TMEM114: variants seen among roughly 807,000 people sequenced by gnomAD.
The protein encoded by TMEM114 is transmembrane protein 114.
A neutral mutation model predicts 6.2 loss-of-function variants in TMEM114; 6 were observed. The observed-to-expected ratio is 0.97, with a 90% CI of 0.53 to 1.91. The LOEUF (loss-of-function observed/expected upper bound fraction) is 1.91, where lower values mean the gene tolerates loss of function less well. Ranked by LOEUF, TMEM114 falls within the 40% of genes most tolerant of loss-of-function variation. TMEM114 has a pLI of 0.01. For synonymous variants in TMEM114, 104 were observed against 73.0 expected (o/e 1.42, Z -2.16); for missense variants, 218 against 158.3 (o/e 1.38, Z -2.02).
downstream of TMEM114, among the ~76,000 whole-genome samples, chr16:8,564,997 GTAAA>G (rs1567204179): frequency 6.6e-6 from 1 of 152,076 alleles, no homozygotes; most frequent in Admixed American, 6.5e-5. Flanking sequence ...GAGTGAATGA[GTAAA>G]TAAGTGACTG....
intron 2 of TMEM114, among the ~76,000 whole-genome samples, chr16:8,561,669 G>C (rs1011142174): frequency 5.3e-5 from 8 of 152,194 alleles, no homozygotes; most frequent in Non-Finnish European, 8.8e-5. Flanking sequence ...GAATGAATGA[G>C]TGAATAAATG....
chr16:8,532,462 T>G, the TMEM114 span, among the ~76,000 whole-genome samples: 2 of 152,250 alleles, frequency 1.3e-5, no homozygotes, highest in East Asian at 3.9e-4. Context: ...GTCACTCCTG[T>G]CTGGGTGTGC....
At chr16:8,550,569 T>G (rs1242495521) in intron 2 of TMEM114, among the ~76,000 whole-genome samples, 1 of 151,860 alleles carries the variant, frequency 6.6e-6, no homozygotes, top group Non-Finnish European at 1.5e-5. Context: ...TCCCAGCGAC[T>G]CTGGAGGCTG....
chr16:8,580,717 G>T (rs1019308266), intron 2 of TMEM114, among the ~76,000 whole-genome samples: 2 of 152,040 alleles, frequency 1.3e-5, no homozygotes, highest in African/African-American at 4.8e-5. Context: ...TTGAGATAGG[G>T]TCTCACTCTG....
intron 2 of TMEM114, among the ~76,000 whole-genome samples, chr16:8,582,293 A>G (rs1295838776): frequency 1.4e-5 from 2 of 144,256 alleles, no homozygotes; most frequent in Non-Finnish European, 3.0e-5. Context: ...TAAGACATAG[A>G]AAAAAAAAAC....
chr16:8,565,577 G>T (rs1901514430), downstream of TMEM114, among the ~76,000 whole-genome samples: 1 of 152,076 alleles, frequency 6.6e-6, no homozygotes, highest in Non-Finnish European at 1.5e-5. Flanking sequence ...CTAACCCCCG[G>T]TTAGTCCAGC....
intron 2 of TMEM114, among the ~76,000 whole-genome samples, chr16:8,544,011 C>A (rs996252068): frequency 6.6e-6 from 1 of 152,164 alleles, no homozygotes; most frequent in Non-Finnish European, 1.5e-5. Flanking sequence ...CCTAGACTGC[C>A]AGGAAGCGCA....
chr16:8,555,043 G>C (rs1021333768), intron 2 of TMEM114, among the ~76,000 whole-genome samples: 2 of 152,198 alleles, frequency 1.3e-5, no homozygotes, highest in African/African-American at 4.8e-5. Context: ...CCCACTCATG[G>C]GGTTTCCCTC....
chr16:8,574,279 T>C (rs1901839811), intron 2 of TMEM114, among the ~76,000 whole-genome samples: 1 of 152,194 alleles, frequency 6.6e-6, no homozygotes, highest in South Asian at 2.1e-4. Flanking sequence ...ATAATACTTG[T>C]AAAGATCATT....
chr16:8,556,706 T>C (rs1188521293), intron 2 of TMEM114, among the ~76,000 whole-genome samples: 1 of 152,194 alleles, frequency 6.6e-6, no homozygotes, highest in African/African-American at 2.4e-5. Context: ...TTTCACCATG[T>C]TGGCCAGGCT....
intron 2 of TMEM114, among the ~76,000 whole-genome samples, chr16:8,547,884 C>G (rs112203780): frequency 0.02 from 3,109 of 152,238 alleles, 100 homozygotes; most frequent in African/African-American, 0.071. Flanking sequence ...ACTTGCTGGG[C>G]TTGGGAGGCC....
chr16:8,561,806 GA>G (rs1201543764), intron 2 of TMEM114, among the ~76,000 whole-genome samples: 1 of 152,020 alleles, frequency 6.6e-6, no homozygotes, highest in Non-Finnish European at 1.5e-5. Context: ...GTGAATGAGT[GA>G]GTGAAGGAGG....
intron 2 of TMEM114, among the ~76,000 whole-genome samples, chr16:8,578,804 C>T (rs8047408): frequency 0.22 from 33,882 of 151,972 alleles, 4,506 homozygotes; most frequent in Non-Finnish European, 0.29. Context: ...CATGGTGAAA[C>T]CCCGTCTCTA....
At chr16:8,537,400 C>G (rs983475906), downstream of TMEM114, among the ~76,000 whole-genome samples, 2 of 152,134 alleles carry the variant, frequency 1.3e-5, no homozygotes, top group African/African-American at 4.8e-5. Context: ...ACTTGGGAAG[C>G]TGAGGCAGAA....
At chr16:8,567,714 G>A (rs1355382184), downstream of TMEM114, among the ~76,000 whole-genome samples, 1 of 152,190 alleles carries the variant, frequency 6.6e-6, no homozygotes, top group African/African-American at 2.4e-5. Context: ...TGGCCCTGCA[G>A]TATTTAATCC....
At chr16:8,586,949 T>G (rs1343415506) in intron 2 of TMEM114, among the ~76,000 whole-genome samples, 1 of 152,178 alleles carries the variant, frequency 6.6e-6, no homozygotes, top group African/African-American at 2.4e-5. Flanking sequence ...GTATGTCTCC[T>G]TTGGTGGAAC....
chr16:8,535,076 T>C (rs1375265133), downstream of TMEM114, among the ~76,000 whole-genome samples: 2 of 152,222 alleles, frequency 1.3e-5, no homozygotes, highest in South Asian at 2.1e-4. Flanking sequence ...TGGAGGGGTG[T>C]GAGTGGTGGG....
chr16:8,577,690 T>C (rs981912759), intron 2 of TMEM114, among the ~76,000 whole-genome samples: 1 of 152,030 alleles, frequency 6.6e-6, no homozygotes, highest in Non-Finnish European at 1.5e-5. Flanking sequence ...TTCAAGCAAT[T>C]CTCCTGTCTC....
intron 2 of TMEM114, among the ~76,000 whole-genome samples, chr16:8,588,801 G>C (rs1902393510): frequency 6.6e-6 from 1 of 152,226 alleles, no homozygotes; most frequent in African/African-American, 2.4e-5. Context: ...TCTGTGGAAT[G>C]AGACCTCTCT....
Sources: allele counts gnomAD v4.1 joint callset (sites outside exome capture counted in the v4.1 genomes callset), GRCh38; gene constraint gnomAD v4.1.1; transcripts MANE v1.5; gene names NCBI Gene and HGNC (gene_info 2026-07-23, HGNC 2026-07-21).